The following FAN1 variants were observed in gnomAD, a reference collection of about 807,000 sequenced individuals.
FAN1 encodes the protein fanconi-associated nuclease 1.
Under a neutral mutation model 104.9 loss-of-function variants are expected in FAN1, and 91 were observed. That is an observed-to-expected ratio of 0.87 (90% CI 0.73 to 1.03). The LOEUF is 1.03. Ranked by LOEUF, FAN1 falls within the 50% of genes least tolerant of loss-of-function variation. FAN1 has a pLI of 0.00. For missense variants in FAN1, 1,263 were observed against 1,239.9 expected (o/e 1.02, Z -0.28); for synonymous variants, 478 against 457.6 (o/e 1.04, Z -0.57).
rs746079776 is a variant in FAN1 at position 30,904,865 on chromosome 15, G to A, written c.202G>A (p.Asp68Asn). Reference protein sequence around the residue: ...RHLDEMCANNDFVQVDPGQVG... With the variant: ...RHLDEMCANNNFVQVDPGQVG... ...CCTTGATGAAATGTGTGCTAACAATGACTTCGTTCAAGTGGATCCAGGGCA... is the reference window on the plus strand; with the variant it reads ...CCTTGATGAAATGTGTGCTAACAATAACTTCGTTCAAGTGGATCCAGGGCA... The change falls in exon 2 of 15, where the codon GAC (aspartate) becomes AAC (asparagine). Residue 68 changes from aspartate to asparagine, a missense_variant. Coordinates refer to ENST00000362065, the MANE Select transcript of FAN1 (RefSeq NM_014967.5). 6.8e-6 allele frequency: 11 copies of A among 1,613,442 alleles called. No homozygotes were observed. The highest frequency in any genetic ancestry group is 1.3e-5 in the African/African-American group (1 of 74,922).
intron 14 of FAN1, among the ~76,000 whole-genome samples, chr15:30,937,489 T>A (rs1478961198): frequency 1.4e-5 from 2 of 141,962 alleles, no homozygotes; most frequent in African/African-American, 2.7e-5. Flanking sequence ...TCTCGCTCTG[T>A]CACCCAGGCT....
intron 7 of FAN1, among the ~76,000 whole-genome samples, chr15:30,921,571 A>G (rs1289249460): frequency 6.6e-6 from 1 of 152,182 alleles, no homozygotes; most frequent in African/African-American, 2.4e-5. Flanking sequence ...GGATGTGCTA[A>G]GCTGGTTTCT....
At chr15:30,940,264 C>G in intron 14 of FAN1, 2 of 974,510 alleles carry the variant, frequency 2.1e-6, no homozygotes, top group Non-Finnish European at 2.4e-6. Context: ...TCTTGTCACA[C>G]AGTTTGGAAA....
In FAN1 at chr15:30,942,780, A is replaced by G; in HGVS notation, c.*1218A>G. 1 of 1,140,524 alleles carries G rather than the reference A, an allele frequency of 8.8e-7. No individual in the cohort carries two copies. The highest frequency in any genetic ancestry group is 1.8e-5 in the South Asian group (1 of 56,226). 70.7% of individuals were successfully genotyped at this position (1,140,524 alleles called of 1,614,324 possible). A position where few individuals can be genotyped will look rare whatever the true frequency, so the allele number is the denominator to read the frequency against. On this transcript the variant is annotated 3_prime_UTR_variant, in exon 15 of 15. Coordinates refer to ENST00000362065, the MANE Select transcript of FAN1 (RefSeq NM_014967.5). ...AGGGAATGACCCCTCAGAAACCCGC[A>G]TTAGCAGTGTTACTCTTGGAAGTGC...
At chr15:30,912,886 C>T (rs375097064) in intron 4 of FAN1, among the ~76,000 whole-genome samples, 2 of 152,206 alleles carry the variant, frequency 1.3e-5, no homozygotes, top group East Asian at 1.9e-4. Flanking sequence ...AAAAACCCTG[C>T]TATTGATGGT....
rs1353388161 is a variant in FAN1, at chr15:30,905,055, G to A, written c.392G>A (p.Ser131Asn). Residue 131 changes from serine to asparagine, a missense_variant, in exon 2 of 15, where the codon AGT (serine) becomes AAT (asparagine). Coordinates refer to ENST00000362065, the MANE Select transcript of FAN1 (RefSeq NM_014967.5). ...VKQKISPYFKSNDVVCKNQDE... is the reference protein window; with the variant it reads ...VKQKISPYFKNNDVVCKNQDE... ...CAGAAGATCAGTCCCTACTTTAAAA[G>A]TAATGATGTGGTGTGCAAAAATCAA... 4 of 1,613,918 alleles carry A rather than the reference G, an allele frequency of 2.5e-6. No individual in the cohort carries two copies. The highest frequency in any genetic ancestry group is 1.7e-6 in the Non-Finnish European group (2 of 1,180,026).
intron 14 of FAN1, chr15:30,939,581 CTA>C (rs1419423546): frequency 1.1e-6 from 1 of 950,656 alleles, no homozygotes; most frequent in East Asian, 1.2e-4. Context: ...ATGCATTTTT[CTA>C]TTTTTAACCA....
At chr15:30,933,585 ATGTG>A (rs1318257159) in intron 13 of FAN1, among the ~76,000 whole-genome samples, 1 of 152,186 alleles carries the variant, frequency 6.6e-6, no homozygotes, top group Non-Finnish European at 1.5e-5. Flanking sequence ...CTTGAAAAGA[ATGTG>A]TGTTTAGCAT....
intron 2 of FAN1, among the ~76,000 whole-genome samples, chr15:30,907,401 C>G (rs923272065): frequency 2.0e-5 from 3 of 151,894 alleles, no homozygotes; most frequent in African/African-American, 7.3e-5. Context: ...GCCTGTAATC[C>G]CAGCTGCTCT....
chr15:30,940,578 T>A, intron 14 of FAN1: 2 of 985,330 alleles, frequency 2.0e-6, no homozygotes, highest in African/African-American at 1.7e-5. Context: ...GCAAGCCTTG[T>A]TTGTTTTTGA....
chr15:30,940,313 G>A, intron 14 of FAN1: 1 of 985,378 alleles, frequency 1.0e-6, no homozygotes, highest in Non-Finnish European at 1.2e-6. Flanking sequence ...GCAAACAACT[G>A]TGTCTGCTCA....
chr15:30,928,199 A>G, intron 10 of FAN1: 2 of 1,026,060 alleles, frequency 1.9e-6, no homozygotes, highest in South Asian at 7.4e-5. Context: ...CAGCCCTGCT[A>G]AGTCCCAGCC....
rs1228121733 is a variant in FAN1, at chr15:30,905,883, T to G, written c.1220T>G (p.Phe407Cys). The change falls in exon 2 of 15, where the codon TTT becomes TGT. Residue 407 changes from phenylalanine (F) to cysteine (C), a missense_variant. Phe to Cys is a radical substitution (Grantham distance 205). Around this residue, in one of 2 missense-constraint regions of FAN1, gnomAD observed 682 missense variants for 571.1 expected, o/e 1.19. Transcript: ENST00000362065. ...CAGGAGAAGGGAATTGTAACTAAAT[T>G]TTATCAGTTATCAGGTATCTTACGC... ...DEQEKGIVTK[F>C]YQLSATGQKL... 3.1e-6 allele frequency: 5 copies of G among 1,612,586 alleles called. No homozygotes were observed. Among genetic ancestry groups the G allele is most frequent in the Admixed American group, 1.7e-5 (1 of 59,940 alleles).
In FAN1 at chr15:30,941,988, T is replaced by TTCTCCTTGGAAG. The variant is rs536984969; in HGVS notation, c.*428_*439dup. On this transcript the variant is annotated 3_prime_UTR_variant, in exon 15 of 15. Transcript: ENST00000362065. ...GGCTTTGGTTTTAATATCAATGAAT[T>TTCTCCTTGGAAG]TCTCCTTGGAAGTAATTCTTGGTCA... is the stretch of plus-strand genomic sequence containing the variant. 1.5e-4 allele frequency: 243 copies of TTCTCCTTGGAAG among 1,614,036 alleles called. 1 individual carries two copies. In the East Asian group the frequency reaches 5.1e-3, roughly 34 times the overall value.
chr15:30,911,329 T>G (rs1392199927), intron 4 of FAN1: 1 of 984,932 alleles, frequency 1.0e-6, no homozygotes, highest in Non-Finnish European at 1.2e-6. Flanking sequence ...CCCATGTTAT[T>G]TATATAATCA....
chr15:30,911,338 C>A, intron 4 of FAN1: 1 of 984,912 alleles, frequency 1.0e-6, no homozygotes, highest in Non-Finnish European at 1.2e-6. Context: ...TTTATATAAT[C>A]AAACTATATC....
chr15:30,912,019 G>A (rs576020427), intron 4 of FAN1, among the ~76,000 whole-genome samples: 45 of 149,648 alleles, frequency 3.0e-4, no homozygotes, highest in African/African-American at 1.1e-3. Flanking sequence ...CTGAGATCGC[G>A]CCACTGCACA....
chr15:30,920,826 C>T (rs2062312742), intron 7 of FAN1, among the ~76,000 whole-genome samples, 173 bp downstream of exon 7: 1 of 152,222 alleles, frequency 6.6e-6, no homozygotes. Context: ...ACTCCATCAC[C>T]TAGGCTGGGG....
intron 14 of FAN1, chr15:30,941,213 AGAC>A (rs1188687029): frequency 1.1e-5 from 15 of 1,384,542 alleles, no homozygotes; most frequent in Non-Finnish European, 1.4e-5. Context: ...AAAATGTAGC[AGAC>A]AACATGAACA....
Sources: gnomAD v4.1 joint callset for allele counts (sites outside exome capture counted in the v4.1 genomes callset) on GRCh38, gnomAD v4.1.1 for gene constraint, gnomAD v4.1.1 regional missense constraint, MANE v1.5 for transcripts, NCBI Gene and HGNC (gene_info 2026-07-23, HGNC 2026-07-21) for gene names.